The following SOX5 variants were observed in gnomAD, a reference collection of about 807,000 sequenced individuals.
SOX5 encodes the protein SRY-box transcription factor 5.
In SOX5, 9 loss-of-function variants were observed where a neutral mutation model predicts 92.0. The observed-to-expected ratio is 0.10, with a 90% CI of 0.06 to 0.17. SOX5 has a LOEUF of 0.17. Ranked by LOEUF, SOX5 falls within the 10% of genes least tolerant of loss-of-function variation. The pLI is 1.00. For synonymous variants in SOX5, 344 were observed against 336.3 expected (o/e 1.02, Z -0.25); for missense variants, 642 against 944.5 (o/e 0.68, Z 4.20).
intron 3 of SOX5, among the ~76,000 whole-genome samples, chr12:23,771,988 T>C (rs935544158): frequency 1.3e-5 from 2 of 152,220 alleles, no homozygotes; most frequent in East Asian, 1.9e-4. Flanking sequence ...ATGTGCCTTC[T>C]TCCTCTGCCA....
intron 1 of SOX5, among the ~76,000 whole-genome samples, chr12:24,415,968 G>A (rs950552267): frequency 2.0e-5 from 3 of 152,112 alleles, no homozygotes; most frequent in African/African-American, 4.8e-5. Context: ...AAATTACATC[G>A]CGTCAAAAAT....
chr12:24,088,458 C>A (rs912893589), intron 4 of SOX5, among the ~76,000 whole-genome samples: 1 of 151,970 alleles, frequency 6.6e-6, no homozygotes, highest in East Asian at 1.9e-4. Context: ...ACTCTGCACA[C>A]GCACCTTTTC....
At chr12:23,870,360 G>T (rs950142652) in intron 2 of SOX5, among the ~76,000 whole-genome samples, 1 of 152,040 alleles carries the variant, frequency 6.6e-6, no homozygotes, top group South Asian at 2.1e-4. Flanking sequence ...TGGGGCAAAA[G>T]CATAAGTAAG....
At chr12:24,289,546 C>A (rs1205148130) in intron 2 of SOX5, among the ~76,000 whole-genome samples, 2 of 121,268 alleles carry the variant, frequency 1.6e-5, no homozygotes. Context: ...CTCCGCCTCC[C>A]GGGTTCACGC....
rs1320262035 is a variant in SOX5, at chr12:23,530,200, A to C, written c.*4019T>G. 6.6e-6 allele frequency: 1 copy of C among 152,224 alleles called. No individual in the cohort carries two copies. Among genetic ancestry groups the C allele is most frequent in the Non-Finnish European group, 1.5e-5 (1 of 68,034 alleles). 9.4% of individuals were successfully genotyped at this position (152,224 alleles called of 1,614,324 possible). On this transcript the variant is annotated 3_prime_UTR_variant, in exon 15 of 15. Coordinates refer to ENST00000451604, the MANE Select transcript of SOX5 (RefSeq NM_006940.6). Reference sequence around the variant, plus strand: ...TATTTTATTATTAATTTGATAGACAAATACCTTATAAACCTGTTTGTAAAT... The same window carrying C: ...TATTTTATTATTAATTTGATAGACACATACCTTATAAACCTGTTTGTAAAT...
At chr12:24,038,538 T>G (rs914145997) in intron 4 of SOX5, among the ~76,000 whole-genome samples, 1 of 152,122 alleles carries the variant, frequency 6.6e-6, no homozygotes, top group Non-Finnish European at 1.5e-5. Flanking sequence ...ATTCTTGAGG[T>G]CTATTGACAC....
At chr12:24,201,510 T>C (rs1957516140) in intron 4 of SOX5, among the ~76,000 whole-genome samples, 2 of 152,328 alleles carry the variant, frequency 1.3e-5, no homozygotes, top group South Asian at 4.1e-4. Flanking sequence ...TGAATTTCAG[T>C]TTCCTCATCT....
chr12:23,694,056 G>A (rs1048033499), intron 6 of SOX5, among the ~76,000 whole-genome samples: 24 of 152,186 alleles, frequency 1.6e-4, no homozygotes, highest in Admixed American at 6.5e-4. Flanking sequence ...GCAATTTTAG[G>A]CTAATAGTTA....
At chr12:24,071,480 G>T (rs1039152709) in intron 4 of SOX5, among the ~76,000 whole-genome samples, 11 of 152,104 alleles carry the variant, frequency 7.2e-5, no homozygotes, top group Admixed American at 7.2e-4. Context: ...TGTTGCCCAA[G>T]CTGGAGTGCA....
chr12:24,194,201 C>G (rs1167286008), intron 4 of SOX5, among the ~76,000 whole-genome samples: 1 of 152,160 alleles, frequency 6.6e-6, no homozygotes, highest in Non-Finnish European at 1.5e-5. Flanking sequence ...TTCTTGTGGT[C>G]ACCATTCACT....
intron 4 of SOX5, among the ~76,000 whole-genome samples, chr12:23,983,676 C>A (rs1326908771): frequency 6.6e-6 from 1 of 152,076 alleles, no homozygotes; most frequent in Non-Finnish European, 1.5e-5. Context: ...CAAATAAGTA[C>A]ATTCCAATTT....
chr12:24,047,549 G>A (rs764814575), intron 4 of SOX5, among the ~76,000 whole-genome samples: 21 of 152,122 alleles, frequency 1.4e-4, no homozygotes, highest in Admixed American at 3.9e-4. Context: ...GACTGTAGGC[G>A]TTTATGACTT....
intron 1 of SOX5, among the ~76,000 whole-genome samples, chr12:23,945,899 C>A (rs1417025679): frequency 6.6e-6 from 1 of 152,068 alleles, no homozygotes; most frequent in Non-Finnish European, 1.5e-5. Flanking sequence ...TATTTCATGA[C>A]TATGGTCAAA....
intron 1 of SOX5, among the ~76,000 whole-genome samples, chr12:24,425,772 A>G (rs1382617663): frequency 2.6e-5 from 4 of 152,322 alleles, no homozygotes; most frequent in Admixed American, 2.0e-4. Flanking sequence ...CATGAGTCAG[A>G]CATTTGGTCC....
chr12:24,058,122 G>A (rs1475336691), intron 4 of SOX5, among the ~76,000 whole-genome samples: 1 of 152,222 alleles, frequency 6.6e-6, no homozygotes, highest in Non-Finnish European at 1.5e-5. Flanking sequence ...CTGTAAAAGG[G>A]TTAATGACAG....
intron 13 of SOX5, 88 bp from the exon 14 acceptor site, chr12:23,536,757 T>G (rs893801255): frequency 3.8e-6 from 4 of 1,063,808 alleles, no homozygotes; most frequent in African/African-American, 1.6e-5. Flanking sequence ...AAATCTAAAG[T>G]TGAGATGTTA....
At chr12:24,171,438 T>C (rs1489557092) in intron 4 of SOX5, among the ~76,000 whole-genome samples, 2 of 151,956 alleles carry the variant, frequency 1.3e-5, no homozygotes, top group African/African-American at 4.8e-5. Flanking sequence ...TTAGCCAGGA[T>C]GGTCTCGATC....
intron 3 of SOX5, among the ~76,000 whole-genome samples, chr12:23,780,911 A>G (rs1261623266): frequency 1.3e-5 from 2 of 152,046 alleles, no homozygotes; most frequent in African/African-American, 2.4e-5. Context: ...TCTACTCTAG[A>G]CATGAGGAGC....
At chr12:23,653,030 A>G (rs73279942) in intron 7 of SOX5, among the ~76,000 whole-genome samples, 3,079 of 115,824 alleles carry the variant, frequency 0.027, 120 homozygotes, top group African/African-American at 0.099. Context: ...ATGTACAGAT[A>G]GATGGATGGA....
Sources: gnomAD v4.1 joint callset for allele counts (sites outside exome capture counted in the v4.1 genomes callset) on GRCh38, gnomAD v4.1.1 for gene constraint, MANE v1.5 for transcripts, NCBI Gene and HGNC (gene_info 2026-07-23, HGNC 2026-07-21) for gene names.